PTPRR: variants seen among roughly 807,000 people sequenced by gnomAD.
PTPRR encodes the protein receptor-type tyrosine-protein phosphatase R.
PTPRR carries 38 observed loss-of-function variants against 77.2 expected under a neutral mutation model. The observed-to-expected ratio is 0.49, with a 90% CI of 0.38 to 0.65. PTPRR has a LOEUF of 0.65. Among genes scored for constraint, PTPRR ranks in the 30% least tolerant of loss-of-function variants. PTPRR has a pLI of 0.00. For synonymous variants in PTPRR, 299 were observed against 283.1 expected (o/e 1.06, Z -0.57); for missense variants, 744 against 799.2 (o/e 0.93, Z 0.83).
intron 2 of PTPRR, among the ~76,000 whole-genome samples, chr12:70,837,942 T>C (rs1455529256): frequency 6.6e-6 from 1 of 152,112 alleles, no homozygotes; most frequent in African/African-American, 2.4e-5. Context: ...ACTCTGAAGA[T>C]TCTAAGGATC....
At chr12:70,907,545 A>G (rs1008156791) in intron 1 of PTPRR, among the ~76,000 whole-genome samples, 4 of 152,206 alleles carry the variant, frequency 2.6e-5, no homozygotes, top group East Asian at 1.9e-4. Context: ...TAAAATTGCA[A>G]TGAAAGGGGT....
At chr12:70,858,155 T>C (rs1317111103) in intron 2 of PTPRR, among the ~76,000 whole-genome samples, 1 of 152,126 alleles carries the variant, frequency 6.6e-6, no homozygotes, top group East Asian at 1.9e-4. Context: ...CTGGCTACAC[T>C]GCAGTGTGAG....
intron 8 of PTPRR, among the ~76,000 whole-genome samples, chr12:70,693,803 G>C (rs1888136606): frequency 6.6e-6 from 1 of 151,850 alleles, no homozygotes; most frequent in African/African-American, 2.4e-5. Context: ...TGAGTACTTT[G>C]CTTTTAAAAC....
chr12:70,779,086 G>A (rs1891148573), intron 2 of PTPRR, among the ~76,000 whole-genome samples: 1 of 152,092 alleles, frequency 6.6e-6, no homozygotes, highest in African/African-American at 2.4e-5. Flanking sequence ...GACCTCAGGT[G>A]ATCCGCCCAC....
At chr12:70,734,941 A>G (rs1280281744) in intron 6 of PTPRR, among the ~76,000 whole-genome samples, 1 of 152,168 alleles carries the variant, frequency 6.6e-6, no homozygotes, top group Non-Finnish European at 1.5e-5. Context: ...ACAAGATTAC[A>G]TTTTTGTCTC....
chr12:70,662,346 T>C (rs1171716517), intron 11 of PTPRR, 149 bp downstream of exon 11: 1 of 504,108 alleles, frequency 2.0e-6, no homozygotes, highest in Admixed American at 3.7e-5. Flanking sequence ...CAACAAAAAA[T>C]ACATGAGGGA....
At chr12:70,666,669 G>A (rs966691479) in intron 10 of PTPRR, among the ~76,000 whole-genome samples, 2 of 151,926 alleles carry the variant, frequency 1.3e-5, no homozygotes, top group Non-Finnish European at 2.9e-5. Flanking sequence ...AATCTAAATA[G>A]AAAACTGCAT....
At chr12:70,769,990 C>A (rs1039151365) in intron 2 of PTPRR, among the ~76,000 whole-genome samples, 12 of 152,208 alleles carry the variant, frequency 7.9e-5, no homozygotes, top group Middle Eastern at 3.4e-3. Context: ...CTTCCTTACA[C>A]CTTATACAAA....
intron 2 of PTPRR, among the ~76,000 whole-genome samples, chr12:70,841,812 C>T (rs938889046): frequency 6.6e-6 from 1 of 152,084 alleles, no homozygotes; most frequent in African/African-American, 2.4e-5. Context: ...TTAGTTTTCA[C>T]TGTAAATTCA....
rs1182467939 is a variant in PTPRR, at chr12:70,701,202, T to A, written c.1129A>T (p.Ile377Phe). The A allele has an allele frequency of 6.2e-7, 1 of 1,614,016 alleles. No homozygotes were observed. The highest frequency in any genetic ancestry group is 2.2e-5 in the East Asian group (1 of 44,876). The change falls in exon 7 of 14, where the codon ATT (isoleucine) becomes TTT (phenylalanine). Residue 377 changes from isoleucine to phenylalanine, a missense_variant. Around this residue, in one of 3 missense-constraint regions of PTPRR, gnomAD observed 570 missense variants for 573.2 expected, o/e 0.99. Transcript: ENST00000283228. ...TCCCTCAGCTGAGACCTTGTGAGAA[T>A]TCGGCTGGCTGACTGCAGATACTCC... ...AMEYLQSASR[I>F]LTRSQLRDVV...
At chr12:70,901,858 A>C (rs965632730) in intron 1 of PTPRR, among the ~76,000 whole-genome samples, 1 of 151,714 alleles carries the variant, frequency 6.6e-6, no homozygotes, top group African/African-American at 2.4e-5. Context: ...GAAAATCTTC[A>C]CAATCTATTC....
intron 2 of PTPRR, among the ~76,000 whole-genome samples, chr12:70,800,276 T>C (rs1189098730): frequency 1.3e-5 from 2 of 151,918 alleles, no homozygotes; most frequent in East Asian, 1.9e-4. Flanking sequence ...CTCTTTTTTT[T>C]TTTTTGTGCT....
chr12:70,705,190 T>G (rs1037658875), intron 6 of PTPRR, among the ~76,000 whole-genome samples: 2 of 152,092 alleles, frequency 1.3e-5, no homozygotes, highest in Admixed American at 6.6e-5. Flanking sequence ...TATAAACAAC[T>G]TTGGGTCAAA....
intron 2 of PTPRR, among the ~76,000 whole-genome samples, chr12:70,839,265 G>GCCACTGAA (rs1405242717): frequency 6.6e-5 from 10 of 152,038 alleles, no homozygotes; most frequent in African/African-American, 2.4e-4. Flanking sequence ...ATGAAGTAAA[G>GCCACTGAA]CCACTGAACT....
At chr12:70,817,843 T>C (rs1477453570) in intron 2 of PTPRR, among the ~76,000 whole-genome samples, 1 of 152,266 alleles carries the variant, frequency 6.6e-6, no homozygotes, top group African/African-American at 2.4e-5. Context: ...AAACCATTTA[T>C]AGCTTTAATA....
chr12:70,826,449 T>C (rs949978067), intron 2 of PTPRR, among the ~76,000 whole-genome samples: 12 of 152,188 alleles, frequency 7.9e-5, no homozygotes, highest in African/African-American at 2.9e-4. Flanking sequence ...CAACCCCTTC[T>C]GGGAACTCCT....
At chr12:70,893,805 C>T (rs1893379186) in intron 1 of PTPRR, among the ~76,000 whole-genome samples, 1 of 151,858 alleles carries the variant, frequency 6.6e-6, no homozygotes, top group Admixed American at 6.6e-5. Context: ...AACTACCATA[C>T]CAACCTCACA....
At chr12:70,780,741 T>C (rs1490273848) in intron 2 of PTPRR, among the ~76,000 whole-genome samples, 1 of 152,214 alleles carries the variant, frequency 6.6e-6, no homozygotes, top group Non-Finnish European at 1.5e-5. Flanking sequence ...GCCCTGATGT[T>C]TTATTCTGTG....
chr12:70,825,314 A>G (rs935515953), intron 2 of PTPRR, among the ~76,000 whole-genome samples: 4 of 152,014 alleles, frequency 2.6e-5, no homozygotes, highest in African/African-American at 9.7e-5. Flanking sequence ...AAATAAATAA[A>G]TGTTAAGTTA....
Sources: gnomAD v4.1 joint callset for allele counts (sites outside exome capture counted in the v4.1 genomes callset) on GRCh38, gnomAD v4.1.1 for gene constraint, gnomAD v4.1.1 regional missense constraint, MANE v1.5 for transcripts, NCBI Gene and HGNC (gene_info 2026-07-23, HGNC 2026-07-21) for gene names.